Variants in ACSM6 observed in about 807,000 individuals in gnomAD.
ACSM6 encodes the protein acyl-coenzyme A synthetase ACSM6, mitochondrial.
ACSM6 carries 35 observed loss-of-function variants against 51.1 expected under a neutral mutation model. That is an observed-to-expected ratio of 0.69 (90% confidence interval 0.52 to 0.91). ACSM6 has a LOEUF of 0.91. ACSM6 is among the 40% of genes least tolerant of loss of function. The probability of loss-of-function intolerance (pLI) is 0.00; values close to 1 mark genes in which losing one functional copy is unlikely to be tolerated. For missense variants in ACSM6, 509 were observed against 584.1 expected (o/e 0.87, Z 1.32); for synonymous variants, 172 against 207.3 (o/e 0.83, Z 1.46).
chr10:95,199,670 C>A (rs1304302808), intron 2 of ACSM6, among the ~76,000 whole-genome samples: 1 of 152,058 alleles, frequency 6.6e-6, no homozygotes, highest in South Asian at 2.1e-4. Flanking sequence ...AAACAAACAA[C>A]CCCATCAAAA....
intron 2 of ACSM6, among the ~76,000 whole-genome samples, chr10:95,198,786 T>C (rs917431323): frequency 2.4e-4 from 37 of 152,248 alleles, no homozygotes; most frequent in Non-Finnish European, 4.3e-4. Context: ...TGTTTGTTGT[T>C]ATTGGTCATG....
At chr10:95,207,289 T>C in exon 4 of ACSM6, 1 of 1,614,166 alleles carries the variant, frequency 6.2e-7, no homozygotes, top group Non-Finnish European at 8.5e-7. Context: ...GCCCAGTGCA[T>C]TGTGGCTAAT....
chr10:95,226,129 T>G (rs112925663), intron 10 of ACSM6: 1 of 152,256 alleles, frequency 6.6e-6, no homozygotes, highest in Non-Finnish European at 1.5e-5. Flanking sequence ...CCATTTCCAT[T>G]GTAAAGGTAC....
chr10:95,212,803 C>T (rs1321485955), intron 6 of ACSM6, 55 bp from the exon 7 acceptor site: 49 of 1,388,944 alleles, frequency 3.5e-5, no homozygotes, highest in Non-Finnish European at 4.8e-5. Context: ...GCCACAGTCT[C>T]ACTGTCTCTC....
chr10:95,202,289 C>T, intron 3 of ACSM6, 94 bp downstream of exon 3: 1 of 1,119,296 alleles, frequency 8.9e-7, no homozygotes, highest in African/African-American at 1.5e-5. Flanking sequence ...GGATCTCTAT[C>T]TGATGCCTGA....
chr10:95,208,933 T>TAAAAAAAAA lies in ACSM6; in HGVS notation c.611+1537_611+1545dup, dbSNP rs34370150. Among the ~76,000 whole-genome samples, 54 of 33,924 alleles carry TAAAAAAAAA rather than the reference T, an allele frequency of 1.6e-3. 3 individuals are homozygous for TAAAAAAAAA. The highest frequency in any genetic ancestry group is 5.0e-3 in the South Asian group (2 of 398). The allele number at this position is 33,924 out of a possible 152,430, so 22.3% of individuals were successfully genotyped here. A position where few individuals can be genotyped will look rare whatever the true frequency, so the allele number is the denominator to read the frequency against. On this transcript the variant is annotated intron_variant, in intron 4 of 10. Transcript: ENST00000341686. ...CAGTATTTCAGTGTCCAGGGATGTTTAAAAAAAAAAAAAAAAAAAAAAAAA... is the reference window on the plus strand; with the variant it reads ...CAGTATTTCAGTGTCCAGGGATGTTTAAAAAAAAAAAAAAAAAAAAAAAAAAAAAAAAAA...
intron 2 of ACSM6, among the ~76,000 whole-genome samples, chr10:95,198,243 C>G (rs2034755745): frequency 6.6e-6 from 1 of 151,790 alleles, no homozygotes; most frequent in Non-Finnish European, 1.5e-5. Context: ...AAAAAAAAAC[C>G]AGGAAGCCAA....
intron 3 of ACSM6, among the ~76,000 whole-genome samples, chr10:95,203,160 C>T (rs142317585): frequency 6.6e-6 from 1 of 152,098 alleles, no homozygotes; most frequent in Non-Finnish European, 1.5e-5. Context: ...CATAGGAGCG[C>T]AAATCCTATT....
At chr10:95,204,317 C>T (rs1288739097) in intron 3 of ACSM6, among the ~76,000 whole-genome samples, 3 of 152,064 alleles carry the variant, frequency 2.0e-5, no homozygotes, top group South Asian at 2.1e-4. Context: ...TTTGGGAGGC[C>T]GAGGTGGGAG....
At chr10:95,222,361 A>AC (rs1265980632) in intron 9 of ACSM6, among the ~76,000 whole-genome samples, 1 of 152,148 alleles carries the variant, frequency 6.6e-6, no homozygotes, top group Non-Finnish European at 1.5e-5. Flanking sequence ...GGTGGCTTAC[A>AC]CCCGTAATCC....
At chr10:95,199,890 T>C (rs1427804603) in intron 2 of ACSM6, among the ~76,000 whole-genome samples, 2 of 152,188 alleles carry the variant, frequency 1.3e-5, no homozygotes, top group Non-Finnish European at 2.9e-5. Flanking sequence ...AGGAACACTT[T>C]TACACTGTTG....
chr10:95,201,147 A>G (rs1365334455), intron 2 of ACSM6, among the ~76,000 whole-genome samples: 5 of 152,220 alleles, frequency 3.3e-5, no homozygotes, highest in Non-Finnish European at 7.4e-5. Context: ...TTCTCTACTT[A>G]CAGGATCATG....
intron 4 of ACSM6, among the ~76,000 whole-genome samples, chr10:95,209,826 T>A (rs2034877327): frequency 6.6e-6 from 1 of 152,108 alleles, no homozygotes; most frequent in Admixed American, 6.5e-5. Flanking sequence ...TAATTTTTTT[T>A]AATTAAAAAA....
At chr10:95,204,341 G>A (rs1293070439) in intron 3 of ACSM6, among the ~76,000 whole-genome samples, 1 of 152,042 alleles carries the variant, frequency 6.6e-6, no homozygotes, top group Non-Finnish European at 1.5e-5. Context: ...CACCTGAGGT[G>A]AGGAGTTCGG....
chr10:95,206,433 T>C (rs1223105701), intron 3 of ACSM6, among the ~76,000 whole-genome samples: 2 of 152,208 alleles, frequency 1.3e-5, no homozygotes, highest in Non-Finnish European at 2.9e-5. Context: ...GTTTCCACAT[T>C]TGGGCTATTA....
chr10:95,201,513 T>C, intron 2 of ACSM6: 1 of 455,886 alleles, frequency 2.2e-6, no homozygotes, highest in Non-Finnish European at 4.4e-6. Flanking sequence ...CTGAGTAATA[T>C]TCCATGTTGT....
downstream of ACSM6, chr10:95,228,929 A>T: frequency 1.1e-6 from 1 of 870,288 alleles, no homozygotes; most frequent in Non-Finnish European, 1.6e-6. Flanking sequence ...CCATAATCTC[A>T]TATTGTGGAG....
chr10:95,209,701 AAT>A (rs1159382083), intron 4 of ACSM6, among the ~76,000 whole-genome samples: 1 of 151,966 alleles, frequency 6.6e-6, no homozygotes, highest in African/African-American at 2.4e-5. Context: ...TAAATTATAA[AAT>A]AATTTTTATA....
At position 95,212,959 on chromosome 10, in the gene ACSM6, GGA is replaced by G. The variant is rs767983752; in HGVS notation, c.995+25_995+26del. 1 of 1,575,854 alleles carries G rather than the reference GGA, an allele frequency of 6.3e-7. No homozygotes were observed. Among genetic ancestry groups the G allele is most frequent in the Admixed American group, 1.7e-5 (1 of 59,954 alleles). ...TCACCAGGTAAGAGAGGATCCCTCA[GGA>G]GAGAGTCCATTTCCACTCATGGTAC... On this transcript the variant is annotated intron_variant, in intron 7 of 10. Transcript: ENST00000341686.
Sources: allele counts gnomAD v4.1 joint callset (sites outside exome capture counted in the v4.1 genomes callset), GRCh38; gene constraint gnomAD v4.1.1; transcripts MANE v1.5; gene names NCBI Gene and HGNC (gene_info 2026-07-23, HGNC 2026-07-21).